The following DENND1B variants were observed in gnomAD, a reference collection of about 807,000 sequenced individuals.
The protein encoded by DENND1B is DENN domain containing 1B.
DENND1B carries 59 observed loss-of-function variants against 90.1 expected under a neutral mutation model. The ratio of observed to expected loss-of-function variants is 0.65; its 90% confidence interval spans 0.53 to 0.81. The LOEUF (loss-of-function observed/expected upper bound fraction) is 0.81, where lower values mean the gene tolerates loss of function less well. DENND1B is among the 40% of genes least tolerant of loss of function. DENND1B has a pLI of 0.00. For missense variants in DENND1B, 862 were observed against 912.6 expected (o/e 0.94, Z 0.71); for synonymous variants, 337 against 324.6 (o/e 1.04, Z -0.41).
At chr1:197,747,094 T>G in intron 2 of DENND1B, 1 of 773,030 alleles carries the variant, frequency 1.3e-6, no homozygotes, top group Non-Finnish European at 2.4e-6. Context: ...ATTTGAGAAC[T>G]GTTCACTGTG....
intron 20 of DENND1B, among the ~76,000 whole-genome samples, chr1:197,528,938 T>C (rs1407315861): frequency 6.6e-6 from 1 of 151,944 alleles, no homozygotes; most frequent in Non-Finnish European, 1.5e-5. Flanking sequence ...TATGTGACTA[T>C]ATTAAGTAAA....
Position 197,547,911 on chromosome 1 carries a change from C to A in DENND1B, c.1241-1138G>T, listed in dbSNP as rs182850085. On this transcript the variant is annotated intron_variant, in intron 16 of 22. Coordinates refer to ENST00000620048, the MANE Select transcript of DENND1B (RefSeq NM_001195215.2). ...TAAAAAGCTCTCATCAGTTCATATA[C>A]TTTTTACTTCTCTACTAAAAATGGC... 4.0e-3 allele frequency among the ~76,000 whole-genome samples: 607 copies of A among 152,244 alleles called. 4 individuals carry two copies. The highest frequency in any genetic ancestry group is 6.2e-3 in the Non-Finnish European group (420 of 68,020).
intron 7 of DENND1B, among the ~76,000 whole-genome samples, chr1:197,651,394 A>T (rs962168051): frequency 1.3e-5 from 2 of 152,094 alleles, no homozygotes; most frequent in African/African-American, 4.8e-5. Context: ...TAAATAATCT[A>T]TCCCATCACA....
At chr1:197,577,620 T>C (rs923593439) in intron 15 of DENND1B, among the ~76,000 whole-genome samples, 9 of 152,176 alleles carry the variant, frequency 5.9e-5, no homozygotes, top group Non-Finnish European at 1.3e-4. Flanking sequence ...ATTTCCTTCA[T>C]TGTATCAGTA....
chr1:197,541,276 CTAAACTA>C (rs1306575409), intron 18 of DENND1B, among the ~76,000 whole-genome samples: 1 of 152,052 alleles, frequency 6.6e-6, no homozygotes, highest in East Asian at 1.9e-4. Context: ...ATTTTGTTTC[CTAAACTA>C]TAAAGAACAC....
chr1:197,685,778 T>C (rs1158181786), intron 3 of DENND1B: 1 of 152,156 alleles, frequency 6.6e-6, no homozygotes, highest in Non-Finnish European at 1.5e-5. Context: ...TGTTTTTTTT[T>C]TAATTGAGTG....
At chr1:197,661,752 A>C (rs1446119848) in intron 5 of DENND1B, among the ~76,000 whole-genome samples, 1 of 152,044 alleles carries the variant, frequency 6.6e-6, no homozygotes, top group Non-Finnish European at 1.5e-5. Context: ...AAAAACCCTT[A>C]ACATTTCTTT....
chr1:197,528,529 G>A (rs1300817740), intron 20 of DENND1B, among the ~76,000 whole-genome samples: 1 of 152,032 alleles, frequency 6.6e-6, no homozygotes, highest in Non-Finnish European at 1.5e-5. Flanking sequence ...TTGTATAATG[G>A]ATAAAAATAT....
chr1:197,569,145 A>T (rs976616799), intron 15 of DENND1B, among the ~76,000 whole-genome samples: 1 of 152,204 alleles, frequency 6.6e-6, no homozygotes, highest in African/African-American at 2.4e-5. Context: ...TGATCATAAG[A>T]AGACATACAA....
rs553915391 is a variant in DENND1B at position 197,566,060 on chromosome 1, G to A, written c.1150-12948C>T. ...TCTAGTTCTAGATCCCTGAGGAATC[G>A]CCACACTGACTTCCACAAGGGTTGA... On this transcript the variant is annotated intron_variant, in intron 15 of 22. Coordinates refer to ENST00000620048, the MANE Select transcript of DENND1B (RefSeq NM_001195215.2). Among the ~76,000 whole-genome samples, 668 of 152,092 alleles carry A rather than the reference G, an allele frequency of 4.4e-3. 10 individuals are homozygous for A. The highest frequency in any genetic ancestry group is 0.015 in the African/African-American group (620 of 41,510).
chr1:197,559,543 G>A (rs1039633144), intron 15 of DENND1B, among the ~76,000 whole-genome samples: 1 of 151,820 alleles, frequency 6.6e-6, no homozygotes, highest in Non-Finnish European at 1.5e-5. Flanking sequence ...CCCTTCTTAG[G>A]TACAAAGATA....
intron 3 of DENND1B, among the ~76,000 whole-genome samples, chr1:197,682,318 T>A (rs1231894341): frequency 6.6e-6 from 1 of 152,132 alleles, no homozygotes; most frequent in Non-Finnish European, 1.5e-5. Flanking sequence ...TGATTGTTCA[T>A]TCAGTTATTT....
chr1:197,583,109 C>T, intron 15 of DENND1B, 43 bp downstream of exon 15: 2 of 1,525,640 alleles, frequency 1.3e-6, no homozygotes, highest in Middle Eastern at 1.7e-4. Flanking sequence ...GTAAAACTGA[C>T]AATGTTGTCT....
At chr1:197,681,541 A>G (rs1194013529) in intron 3 of DENND1B, among the ~76,000 whole-genome samples, 1 of 152,218 alleles carries the variant, frequency 6.6e-6, no homozygotes. Flanking sequence ...TTTGAGAAAC[A>G]GAAGTATTTA....
chr1:197,719,833 C>T (rs894495744), intron 2 of DENND1B, among the ~76,000 whole-genome samples: 43 of 152,084 alleles, frequency 2.8e-4, no homozygotes, highest in Admixed American at 1.3e-4. Flanking sequence ...TATATTATAC[C>T]AAATGATACA....
chr1:197,584,081 C>G (rs1161014586), intron 14 of DENND1B, among the ~76,000 whole-genome samples: 1 of 151,874 alleles, frequency 6.6e-6, no homozygotes, highest in Non-Finnish European at 1.5e-5. Flanking sequence ...TTACAATGCA[C>G]CTTGTAGCAA....
intron 2 of DENND1B, among the ~76,000 whole-genome samples, chr1:197,748,791 A>G (rs1341828428): frequency 1.3e-5 from 2 of 152,220 alleles, no homozygotes; most frequent in Non-Finnish European, 2.9e-5. Flanking sequence ...AAACTGTAAG[A>G]TAATAAATTT....
chr1:197,554,631 A>G (rs1035129492), intron 15 of DENND1B, among the ~76,000 whole-genome samples: 5 of 151,888 alleles, frequency 3.3e-5, no homozygotes, highest in African/African-American at 1.2e-4. Context: ...CAAGGTCAAG[A>G]GATCGAGACC....
intron 3 of DENND1B, among the ~76,000 whole-genome samples, chr1:197,701,429 G>A (rs1051556413): frequency 1.3e-5 from 2 of 152,144 alleles, no homozygotes; most frequent in Admixed American, 6.5e-5. Context: ...GGGCCCATTC[G>A]GGGGCCAGGG....
Sources: allele counts gnomAD v4.1 joint callset (sites outside exome capture counted in the v4.1 genomes callset), GRCh38; gene constraint gnomAD v4.1.1; transcripts MANE v1.5; gene names NCBI Gene and HGNC (gene_info 2026-07-23, HGNC 2026-07-21).